Variants in EPHA6 observed in about 807,000 individuals in gnomAD.
EPHA6 encodes ephrin type-A receptor 6.
In EPHA6, 50 loss-of-function variants were observed where a neutral mutation model predicts 112.0. The ratio of observed to expected loss-of-function variants is 0.45; its 90% CI spans 0.36 to 0.56. EPHA6 has a LOEUF of 0.56. Among genes scored for constraint, EPHA6 ranks in the 20% least tolerant of loss-of-function variants. The pLI is 0.00. For synonymous variants in EPHA6, 529 were observed against 490.7 expected (o/e 1.08, Z -1.03); for missense variants, 1,280 against 1,417.4 (o/e 0.90, Z 1.56).
intron 6 of EPHA6, among the ~76,000 whole-genome samples, chr3:97,426,411 G>C (rs1212250146): frequency 6.6e-6 from 1 of 152,082 alleles, no homozygotes; most frequent in Non-Finnish European, 1.5e-5. Context: ...ACAGTATGGG[G>C]GAACCACCCC....
At chr3:96,994,798 G>GTATA (rs753895562) in intron 3 of EPHA6, among the ~76,000 whole-genome samples, 31 of 136,562 alleles carry the variant, frequency 2.3e-4, no homozygotes, top group South Asian at 1.9e-3. Flanking sequence ...ATATGTGTGT[G>GTATA]TATATATATA....
At chr3:97,391,893 A>G (rs2086418377) in intron 5 of EPHA6, among the ~76,000 whole-genome samples, 1 of 151,770 alleles carries the variant, frequency 6.6e-6, no homozygotes. Context: ...TATGACTGAA[A>G]TTTTCTTGTC....
chr3:97,529,331 T>C (rs1009533942), intron 10 of EPHA6, among the ~76,000 whole-genome samples: 14 of 152,024 alleles, frequency 9.2e-5, no homozygotes, highest in Non-Finnish European at 1.8e-4. Context: ...ACCTCAAAGG[T>C]TTACTGGGAA....
intron 2 of EPHA6, among the ~76,000 whole-genome samples, chr3:96,894,302 T>C (rs2038143353): frequency 6.6e-6 from 1 of 152,130 alleles, no homozygotes; most frequent in Non-Finnish European, 1.5e-5. Context: ...AGAGATACTG[T>C]TTGAAGAATA....
At chr3:97,328,831 T>C (rs977925598) in intron 5 of EPHA6, among the ~76,000 whole-genome samples, 1 of 152,136 alleles carries the variant, frequency 6.6e-6, no homozygotes, top group Admixed American at 6.6e-5. Flanking sequence ...TTATTATTAT[T>C]GTACTTTAAG....
intron 3 of EPHA6, among the ~76,000 whole-genome samples, chr3:97,216,222 T>C: frequency 6.6e-6 from 1 of 152,172 alleles, no homozygotes; most frequent in Non-Finnish European, 1.5e-5. Flanking sequence ...AAGCGGAGCC[T>C]GTACATCACA....
In EPHA6 at chr3:97,018,376, C is replaced by G. The variant is rs147851501; in HGVS notation, c.1114+30383C>G. ...GACAGCTGGGCCCGGGAGACCACTA[C>G]CACCAAGTCGCAGAGACCAGTAGTG... On this transcript the variant is annotated intron_variant, in intron 3 of 17. Transcript: ENST00000389672. Among the ~76,000 whole-genome samples the G allele has an allele frequency of 4.4e-3, 663 of 152,142 alleles. 8 individuals carry two copies. The highest frequency in any genetic ancestry group is 0.015 in the African/African-American group (610 of 41,512).
chr3:97,106,770 G>A (rs1032798485), intron 3 of EPHA6, among the ~76,000 whole-genome samples: 1 of 152,058 alleles, frequency 6.6e-6, no homozygotes, highest in Admixed American at 6.6e-5. Context: ...CCGAGGGGTC[G>A]GAGCCCCAAA....
chr3:96,863,642 A>G (rs1395263357), intron 1 of EPHA6, among the ~76,000 whole-genome samples: 1 of 151,994 alleles, frequency 6.6e-6, no homozygotes, highest in East Asian at 1.9e-4. Flanking sequence ...ATAGGTACAT[A>G]CATATTTTCC....
intron 6 of EPHA6, among the ~76,000 whole-genome samples, chr3:97,431,911 T>A (rs2089533673): frequency 6.6e-6 from 1 of 152,124 alleles, no homozygotes; most frequent in African/African-American, 2.4e-5. Context: ...TCCTAAAACA[T>A]GCAATAATCA....
At chr3:96,838,475 A>G (rs2034549850) in intron 1 of EPHA6, among the ~76,000 whole-genome samples, 2 of 152,088 alleles carry the variant, frequency 1.3e-5, no homozygotes, top group Non-Finnish European at 2.9e-5. Context: ...GAATCACCAC[A>G]TTGTCTTCCA....
intron 6 of EPHA6, among the ~76,000 whole-genome samples, chr3:97,445,504 A>G (rs1381186373): frequency 6.6e-6 from 1 of 152,216 alleles, no homozygotes; most frequent in Non-Finnish European, 1.5e-5. Context: ...CTAATTAATA[A>G]TACCTTGTAT....
At chr3:97,258,325 A>C (rs2079386806) in intron 5 of EPHA6, among the ~76,000 whole-genome samples, 1 of 152,012 alleles carries the variant, frequency 6.6e-6, no homozygotes. Flanking sequence ...TGTTATACTC[A>C]CAGTGGAACC....
intron 10 of EPHA6, among the ~76,000 whole-genome samples, chr3:97,507,853 A>G (rs1043525652): frequency 6.6e-6 from 1 of 152,002 alleles, no homozygotes; most frequent in Non-Finnish European, 1.5e-5. Flanking sequence ...TTATTGATCT[A>G]TTCAGGGATT....
intron 3 of EPHA6, among the ~76,000 whole-genome samples, chr3:97,217,533 G>C (rs1370569820): frequency 6.6e-6 from 1 of 152,148 alleles, no homozygotes; most frequent in Non-Finnish European, 1.5e-5. Context: ...GGTATGTGCT[G>C]CTTCCAAGAA....
chr3:97,539,819 G>T (rs1351110674), intron 11 of EPHA6, among the ~76,000 whole-genome samples: 3 of 152,142 alleles, frequency 2.0e-5, no homozygotes, highest in Non-Finnish European at 4.4e-5. Flanking sequence ...AGGATCATTT[G>T]CTGAGGTGGA....
chr3:96,988,493 C>T (rs544558616), intron 3 of EPHA6, among the ~76,000 whole-genome samples: 1 of 152,134 alleles, frequency 6.6e-6, no homozygotes, highest in South Asian at 2.1e-4. Context: ...AGAAATATGA[C>T]ATTTAAAGAC....
intron 14 of EPHA6, among the ~76,000 whole-genome samples, chr3:97,689,101 A>T (rs1427933968): frequency 2.0e-5 from 3 of 152,226 alleles, no homozygotes; most frequent in African/African-American, 7.2e-5. Context: ...AGCTATAAAG[A>T]TGTTATAGAT....
intron 15 of EPHA6, among the ~76,000 whole-genome samples, 156 bp from the exon 16 acceptor site, chr3:97,735,769 A>G (rs2035225713): frequency 6.6e-6 from 1 of 151,876 alleles, no homozygotes; most frequent in African/African-American, 2.4e-5. Context: ...ATTTTTGTTC[A>G]CAGCTTTTGT....
Sources: gnomAD v4.1 joint callset for allele counts (sites outside exome capture counted in the v4.1 genomes callset) on GRCh38, gnomAD v4.1.1 for gene constraint, MANE v1.5 for transcripts, NCBI Gene and HGNC (gene_info 2026-07-23, HGNC 2026-07-21) for gene names.